Variants in P2RX7 observed in about 807,000 individuals in gnomAD.
P2RX7 encodes purinergic receptor P2X 7.
Under a neutral mutation model 71.6 loss-of-function variants are expected in P2RX7, and 62 were observed. The observed-to-expected ratio is 0.87, with a 90% CI of 0.71 to 1.07. The LOEUF (loss-of-function observed/expected upper bound fraction) is 1.07. Ranked by LOEUF, P2RX7 falls within the 50% of genes least tolerant of loss-of-function variation. The pLI, the probability that P2RX7 is intolerant of heterozygous loss-of-function variation, is 0.00. For missense variants in P2RX7, 686 were observed against 748.5 expected, an observed-to-expected ratio of 0.92 and a Z score of 0.97; for synonymous variants, 299 against 283.3, an observed-to-expected ratio of 1.06 and a Z score of -0.56.
At chr12:121,158,364 A>G (rs1049399787) in intron 3 of P2RX7, among the ~76,000 whole-genome samples, 4 of 152,110 alleles carry the variant, frequency 2.6e-5, no homozygotes, top group East Asian at 1.9e-4. Flanking sequence ...TGGAGCCTCA[A>G]TTGGCACCCA....
intron 12 of P2RX7, among the ~76,000 whole-genome samples, chr12:121,182,215 T>A (rs1210670536): frequency 6.6e-6 from 1 of 152,254 alleles, no homozygotes; most frequent in Non-Finnish European, 1.5e-5. Flanking sequence ...GTTGTACTAT[T>A]CTTTGTATTT....
chr12:121,146,000 C>T (rs1876105223), intron 1 of P2RX7, among the ~76,000 whole-genome samples: 1 of 152,180 alleles, frequency 6.6e-6, no homozygotes, highest in East Asian at 1.9e-4. Flanking sequence ...CTCACCATCA[C>T]CAGCAGCAAC....
chr12:121,147,626 T>C (rs901778872), intron 1 of P2RX7, among the ~76,000 whole-genome samples: 2 of 152,136 alleles, frequency 1.3e-5, no homozygotes, highest in Middle Eastern at 3.2e-3. Context: ...GTTTGTTTGT[T>C]TGTCTTGAGA....
chr12:121,164,209 A>T (rs891958577), intron 5 of P2RX7, among the ~76,000 whole-genome samples: 2 of 152,196 alleles, frequency 1.3e-5, no homozygotes, highest in African/African-American at 4.8e-5. Context: ...TGACCTGGGC[A>T]AGCAACTCCC....
intron 8 of P2RX7, among the ~76,000 whole-genome samples, chr12:121,174,876 G>A (rs979559247): frequency 6.6e-6 from 1 of 151,988 alleles, no homozygotes; most frequent in Non-Finnish European, 1.5e-5. Context: ...GGGGAGGGGG[G>A]ACTGCTCTTT....
At chr12:121,153,829 G>A (rs73218241) in intron 1 of P2RX7, among the ~76,000 whole-genome samples, 7,523 of 152,110 alleles carry the variant, frequency 0.049, 217 homozygotes, top group South Asian at 0.079. Context: ...AGTAACTCCT[G>A]CAGCCTGGTG....
intron 1 of P2RX7, among the ~76,000 whole-genome samples, chr12:121,146,681 C>G (rs77372307): frequency 0.036 from 5,486 of 152,244 alleles, 314 homozygotes; most frequent in African/African-American, 0.12. Flanking sequence ...AAAATGAACT[C>G]AGCTATAAAA....
chr12:121,178,777 G>C (rs1033567022), intron 11 of P2RX7, among the ~76,000 whole-genome samples: 2 of 127,638 alleles, frequency 1.6e-5, no homozygotes, highest in African/African-American at 6.0e-5. Context: ...GAGTGACAGA[G>C]GGAAACTCTG....
At chr12:121,133,261 G>A (rs1012030840) in intron 1 of P2RX7, among the ~76,000 whole-genome samples, 166 bp downstream of exon 1, 1 of 152,218 alleles carries the variant, frequency 6.6e-6, no homozygotes, top group Non-Finnish European at 1.5e-5. Flanking sequence ...CAGGCAAGAG[G>A]AAACGGTGCC....
At chr12:121,166,558 C>G (rs1007154185) in intron 7 of P2RX7, among the ~76,000 whole-genome samples, 1 of 152,188 alleles carries the variant, frequency 6.6e-6, no homozygotes, top group Non-Finnish European at 1.5e-5. Flanking sequence ...CTCAGCTTTT[C>G]CACCTTCTGG....
chr12:121,152,551 T>C (rs189989), intron 1 of P2RX7, among the ~76,000 whole-genome samples: 64,149 of 151,978 alleles, frequency 0.42, 16,980 homozygotes, highest in African/African-American at 0.76. Context: ...TGGAGCTTTG[T>C]TCTTGTTGCC....
intron 7 of P2RX7, 127 bp from the exon 8 acceptor site, chr12:121,167,361 A>G (rs566659373): frequency 3.4e-5 from 36 of 1,054,992 alleles, no homozygotes; most frequent in Non-Finnish European, 4.6e-5. Flanking sequence ...GGGGCTGTAC[A>G]TATGGTTCTT....
chr12:121,177,393 G>A lies in P2RX7; in HGVS notation c.1135G>A (p.Val379Ile). Residue 379 changes from valine (V) to isoleucine (I), a missense_variant, in exon 11 of 13, where the codon GTC (valine) becomes ATC (isoleucine). Transcript: ENST00000328963. Reference protein sequence around the residue: ...PWCKCCQPCVVNEYYYRKKCE... With the variant: ...PWCKCCQPCVINEYYYRKKCE... Reference sequence around the variant, plus strand: ...GTGCAAGTGCTGTCAGCCCTGTGTGGTCAACGAATACTACTACAGGAAGAA... The same window carrying A: ...GTGCAAGTGCTGTCAGCCCTGTGTGATCAACGAATACTACTACAGGAAGAA... 1 of 1,613,868 alleles carries A rather than the reference G, an allele frequency of 6.2e-7. No individual in the cohort carries two copies. The highest frequency in any genetic ancestry group is 1.1e-5 in the South Asian group (1 of 91,060).
chr12:121,175,385 C>T lies in P2RX7; in HGVS notation c.882-3C>T, dbSNP rs754214900. On this transcript the variant is annotated splice_polypyrimidine_tract_variant and splice_region_variant and intron_variant, in intron 8 of 12. Transcript: ENST00000328963. Reference sequence around the variant, plus strand: ...ACAAATACAGATCCTTTTCTTCCTACAGATACGCCAAGTACTACAAGGAAA... The same window carrying T: ...ACAAATACAGATCCTTTTCTTCCTATAGATACGCCAAGTACTACAAGGAAA... 1 of 1,575,056 alleles carries T rather than the reference C, an allele frequency of 6.3e-7. No individual in the cohort carries two copies. Among genetic ancestry groups the T allele is most frequent in the East Asian group, 2.3e-5 (1 of 44,022 alleles).
At position 121,159,893 on chromosome 12, in the gene P2RX7, A is replaced by T. The variant is rs146878525; in HGVS notation, c.364-1009A>T. Among the ~76,000 whole-genome samples the T allele has an allele frequency of 2.2e-3, 331 of 152,150 alleles. 2 individuals are homozygous for T. The highest frequency in any genetic ancestry group is 6.3e-3 in the Admixed American group (96 of 15,280). On this transcript the variant is annotated intron_variant, in intron 3 of 12. Transcript: ENST00000328963. ...ACTTGGACCAAGCCACCTGTCCCCCATCCCAGCCAGCATCCCTGAAAGTGA... is the reference window on the plus strand; with the variant it reads ...ACTTGGACCAAGCCACCTGTCCCCCTTCCCAGCCAGCATCCCTGAAAGTGA...
intron 1 of P2RX7, among the ~76,000 whole-genome samples, chr12:121,137,534 A>G (rs2135976842): frequency 6.6e-6 from 1 of 152,366 alleles, no homozygotes; most frequent in East Asian, 1.9e-4. Context: ...ATTTTAAAAT[A>G]TAAAATGGAA....
At position 121,187,035 on chromosome 12, in the gene P2RX7, A is replaced by C. The variant is rs1884955790; in HGVS notation, c.*2233A>C. The stretch of plus-strand genomic sequence containing the variant: ...CACCACACTTTTACCATTTCCATAC[A>C]TCAACTGCTGAGAATATGAAAATGC... On this transcript the variant is annotated 3_prime_UTR_variant, in exon 13 of 13. Coordinates refer to ENST00000328963, the MANE Select transcript of P2RX7 (RefSeq NM_002562.6). 1 of 152,218 alleles carries C rather than the reference A, an allele frequency of 6.6e-6. No homozygotes were observed. The allele number at this position is 152,218 out of a possible 1,614,324, so 9.4% of individuals were successfully genotyped here.
chr12:121,148,746 G>A (rs1264205752), intron 1 of P2RX7, among the ~76,000 whole-genome samples: 2 of 152,132 alleles, frequency 1.3e-5, no homozygotes, highest in African/African-American at 2.4e-5. Context: ...TTGGGTCCTC[G>A]CCCCTTGCTG....
At chr12:121,146,290 T>C in intron 1 of P2RX7, among the ~76,000 whole-genome samples, 2 of 88,902 alleles carry the variant, frequency 2.2e-5, no homozygotes, top group African/African-American at 9.1e-5. Flanking sequence ...AGCCTCTCTT[T>C]TTTTTTTTTT....
Sources: gnomAD v4.1 joint callset for allele counts (sites outside exome capture counted in the v4.1 genomes callset) on GRCh38, gnomAD v4.1.1 for gene constraint, MANE v1.5 for transcripts, NCBI Gene and HGNC (gene_info 2026-07-23, HGNC 2026-07-21) for gene names.